Variants in SEZ6L observed in about 807,000 individuals in gnomAD.
SEZ6L encodes seizure 6-like protein.
A neutral mutation model predicts 106.2 loss-of-function variants in SEZ6L; 37 were observed. The ratio of observed to expected loss-of-function variants is 0.35; its 90% CI spans 0.27 to 0.46. The LOEUF (loss-of-function observed/expected upper bound fraction) is 0.46, where lower values mean the gene tolerates loss of function less well. SEZ6L is among the 20% of genes least tolerant of loss of function. SEZ6L has a pLI of 1.00. For synonymous variants in SEZ6L, 541 were observed against 570.4 expected (o/e 0.95, Z 0.73); for missense variants, 1,172 against 1,332.8 (o/e 0.88, Z 1.88).
intron 1 of SEZ6L, among the ~76,000 whole-genome samples, chr22:26,211,662 A>T (rs2078160995): frequency 6.6e-6 from 1 of 151,970 alleles, no homozygotes; most frequent in African/African-American, 2.4e-5. Context: ...AAGCATCATC[A>T]GATATTTGTT....
At chr22:26,348,003 A>G (rs2083067373) in intron 11 of SEZ6L, 90 bp downstream of exon 11, 1 of 1,056,808 alleles carries the variant, frequency 9.5e-7, no homozygotes, top group Non-Finnish European at 1.3e-6. Flanking sequence ...GGAGCTGTTT[A>G]ATGTAGAATC....
chr22:26,325,021 T>C (rs868800594), intron 9 of SEZ6L, among the ~76,000 whole-genome samples: 2 of 152,190 alleles, frequency 1.3e-5, no homozygotes, highest in Admixed American at 6.5e-5. Context: ...TGTCGTGGTC[T>C]AGGTGGGCAT....
intron 9 of SEZ6L, among the ~76,000 whole-genome samples, chr22:26,339,650 G>T (rs543623755): frequency 6.6e-6 from 1 of 152,256 alleles, no homozygotes; most frequent in South Asian, 2.1e-4. Context: ...AAACATAATG[G>T]ATCATTCAGT....
At chr22:26,196,205 C>G (rs1940570314) in intron 1 of SEZ6L, among the ~76,000 whole-genome samples, 2 of 152,162 alleles carry the variant, frequency 1.3e-5, no homozygotes, top group African/African-American at 4.8e-5. Flanking sequence ...TCCCCTTTCT[C>G]TTCTTGCTCC....
chr22:26,223,912 A>C (rs1405439191), intron 1 of SEZ6L, among the ~76,000 whole-genome samples: 1 of 152,182 alleles, frequency 6.6e-6, no homozygotes, highest in African/African-American at 2.4e-5. Flanking sequence ...TCTGGATCTG[A>C]TAATTCATCA....
In SEZ6L at chr22:26,347,922, G is replaced by A; in HGVS notation, c.2407+9G>A. ...CCCATTTTGTGAGAAAAGTAAGAGT[G>A]GTCTTGTTTCCTTCCTCTAGGTCCC... On this transcript the variant is annotated intron_variant, in intron 11 of 16. Coordinates refer to ENST00000248933, the MANE Select transcript of SEZ6L (RefSeq NM_021115.5). 1 of 1,553,684 alleles carries A rather than the reference G, an allele frequency of 6.4e-7. No homozygotes were observed. The highest frequency in any genetic ancestry group is 8.6e-7 in the Non-Finnish European group (1 of 1,156,794).
rs200655803 is a variant in SEZ6L, at chr22:26,296,909, G to T, written c.991G>T (p.Asp331Tyr). The change falls in exon 4 of 17, where the codon GAT (aspartate) becomes TAT (tyrosine). Residue 331 changes from aspartate to tyrosine, a missense_variant. Asp to Tyr is a radical substitution (Grantham distance 160). This residue lies in a region of SEZ6L where 494 missense variants were observed against 445.8 expected (regional missense o/e 1.11). Transcript: ENST00000248933. Reference sequence around the variant, plus strand: ...CCAGGTGAAGAGTGTGAACCTGTCCGATGGGGAACTGCTCTCCATCCGCGG... The same window carrying T: ...CCAGGTGAAGAGTGTGAACCTGTCCTATGGGGAACTGCTCTCCATCCGCGG... ...ELQVKSVNLS[D>Y]GELLSIRGVD... 7 of 1,610,162 alleles carry T rather than the reference G, an allele frequency of 4.3e-6. No individual in the cohort carries two copies. Among genetic ancestry groups the T allele is most frequent in the South Asian group, 1.1e-5 (1 of 90,380 alleles).
At chr22:26,331,540 CA>C (rs1368995308) in intron 9 of SEZ6L, among the ~76,000 whole-genome samples, 1 of 152,112 alleles carries the variant, frequency 6.6e-6, no homozygotes, top group Non-Finnish European at 1.5e-5. Flanking sequence ...TTTTATCTAT[CA>C]AAATTAAGCC....
chr22:26,357,366 C>T (rs776963475), intron 12 of SEZ6L, among the ~76,000 whole-genome samples: 18 of 152,168 alleles, frequency 1.2e-4, no homozygotes, highest in Non-Finnish European at 2.5e-4. Flanking sequence ...AAGGTATAAA[C>T]AGATATGACC....
chr22:26,290,553 T>TAAAA (rs2145877887), intron 1 of SEZ6L, among the ~76,000 whole-genome samples: 1 of 151,770 alleles, frequency 6.6e-6, no homozygotes, highest in South Asian at 2.1e-4. Flanking sequence ...TAAAATAAAA[T>TAAAA]AAAATAAAAT....
intron 11 of SEZ6L, among the ~76,000 whole-genome samples, chr22:26,349,363 G>A (rs1449050997): frequency 1.3e-5 from 2 of 152,148 alleles, no homozygotes; most frequent in African/African-American, 2.4e-5. Context: ...CATTGGTAAC[G>A]ATGCTTACTT....
intron 1 of SEZ6L, among the ~76,000 whole-genome samples, chr22:26,284,706 T>C (rs8138440): frequency 0.14 from 20,959 of 150,874 alleles, 1,555 homozygotes; most frequent in Middle Eastern, 0.2. Context: ...GAACAGAACG[T>C]AGGAGAGAAG....
intron 1 of SEZ6L, among the ~76,000 whole-genome samples, chr22:26,233,589 CA>C (rs1182182389): frequency 6.6e-6 from 1 of 152,222 alleles, no homozygotes; most frequent in Non-Finnish European, 1.5e-5. Flanking sequence ...ACCTTTGCTC[CA>C]GTCCCTGATT....
At chr22:26,229,751 G>T (rs1286886458) in intron 1 of SEZ6L, among the ~76,000 whole-genome samples, 1 of 152,226 alleles carries the variant, frequency 6.6e-6, no homozygotes, top group Non-Finnish European at 1.5e-5. Flanking sequence ...TGTTTTGAAA[G>T]TTCCCCAGAT....
chr22:26,279,518 T>C (rs1410499516), intron 1 of SEZ6L, among the ~76,000 whole-genome samples: 1 of 152,034 alleles, frequency 6.6e-6, no homozygotes, highest in Non-Finnish European at 1.5e-5. Context: ...AGGAAGAACA[T>C]GGAATAGAGA....
At chr22:26,249,530 G>A (rs1206822095) in intron 1 of SEZ6L, among the ~76,000 whole-genome samples, 1 of 152,182 alleles carries the variant, frequency 6.6e-6, no homozygotes, top group South Asian at 2.1e-4. Context: ...ATTCGTGTGT[G>A]TGTGTGTGTA....
At chr22:26,253,880 G>C (rs553754841) in intron 1 of SEZ6L, 1 of 152,258 alleles carries the variant, frequency 6.6e-6, no homozygotes, top group East Asian at 1.9e-4. Context: ...GATTTTATAA[G>C]GATGAGTTTA....
chr22:26,278,045 G>C (rs1248513125), intron 1 of SEZ6L, among the ~76,000 whole-genome samples: 1 of 152,188 alleles, frequency 6.6e-6, no homozygotes, highest in Non-Finnish European at 1.5e-5. Flanking sequence ...AAATAATTTA[G>C]TTGCCATGAG....
chr22:26,182,290 G>A (rs9613122), intron 1 of SEZ6L, among the ~76,000 whole-genome samples: 17,996 of 152,206 alleles, frequency 0.12, 1,251 homozygotes, highest in African/African-American at 0.2. Context: ...AGTGCTTGGC[G>A]TATCAGATAG....
Sources: gnomAD v4.1 joint callset for allele counts (sites outside exome capture counted in the v4.1 genomes callset) on GRCh38, gnomAD v4.1.1 for gene constraint, gnomAD v4.1.1 regional missense constraint, MANE v1.5 for transcripts, NCBI Gene and HGNC (gene_info 2026-07-23, HGNC 2026-07-21) for gene names.